RASGRF2: variants seen among roughly 807,000 people sequenced by gnomAD.
RASGRF2 encodes the protein Ras protein specific guanine nucleotide releasing factor 2.
In RASGRF2, 76 loss-of-function variants were observed where a neutral mutation model predicts 151.0. The observed-to-expected ratio is 0.50, with a 90% CI of 0.42 to 0.61. The LOEUF (loss-of-function observed/expected upper bound fraction) is 0.61. RASGRF2 is among the 20% of genes least tolerant of loss of function. The probability of loss-of-function intolerance (pLI) is 0.00; values close to 1 mark genes in which losing one functional copy is unlikely to be tolerated. For synonymous variants in RASGRF2, 504 were observed against 566.5 expected (o/e 0.89, Z 1.57); for missense variants, 1,148 against 1,564.6 (o/e 0.73, Z 4.49).
intron 22 of RASGRF2, among the ~76,000 whole-genome samples, chr5:81,209,789 A>G (rs1755591133): frequency 6.6e-6 from 1 of 152,154 alleles, no homozygotes; most frequent in Admixed American, 6.5e-5. Context: ...CGACTGCTAC[A>G]TTGCATTCTT....
chr5:80,999,996 C>G (rs555603765), intron 1 of RASGRF2, among the ~76,000 whole-genome samples: 1 of 152,276 alleles, frequency 6.6e-6, no homozygotes, highest in African/African-American at 2.4e-5. Context: ...CTGTGTTCCA[C>G]GATATCTGGG....
At chr5:81,021,289 A>G (rs756911016) in intron 1 of RASGRF2, among the ~76,000 whole-genome samples, 5 of 152,218 alleles carry the variant, frequency 3.3e-5, no homozygotes. Flanking sequence ...ATTTGAGAAA[A>G]TTGGAGGAGG....
intron 17 of RASGRF2, among the ~76,000 whole-genome samples, chr5:81,175,704 G>A (rs113545741): frequency 0.035 from 5,141 of 147,452 alleles, 295 homozygotes; most frequent in African/African-American, 0.12. Flanking sequence ...GCAGTGAGCC[G>A]AGATTGTGCC....
At position 81,219,774 on chromosome 5, in the gene RASGRF2, C is replaced by A; in HGVS notation, c.3617C>A (p.Pro1206Gln). Residue 1206 changes from proline to glutamine, a missense_variant, in exon 26 of 27, where the codon CCA (proline) becomes CAA (glutamine). Pro to Gln is a moderately conservative substitution (Grantham distance 76, BLOSUM62 -1). Coordinates refer to ENST00000265080, the MANE Select transcript of RASGRF2 (RefSeq NM_006909.3). Reference sequence around the variant, plus strand: ...ACTTCCTACAGAATAGATCATCAGCCAAAGGTAATATTATGTGGCTGTGAA... The same window carrying A: ...ACTTCCTACAGAATAGATCATCAGCAAAAGGTAATATTATGTGGCTGTGAA... ...QQTSYRIDHQ[P>Q]KVAQYLLDKD... 6.3e-7 allele frequency: 1 copy of A among 1,598,264 alleles called. No individual in the cohort carries two copies. Among genetic ancestry groups the A allele is most frequent in the African/African-American group, 1.3e-5 (1 of 74,492 alleles).
At chr5:81,170,137 T>C (rs561288481) in intron 17 of RASGRF2, among the ~76,000 whole-genome samples, 2 of 150,280 alleles carry the variant, frequency 1.3e-5, no homozygotes, top group South Asian at 2.1e-4. Flanking sequence ...CTGCACCACC[T>C]GCATCACCTG....
intron 19 of RASGRF2, 34 bp from the exon 20 acceptor site, chr5:81,206,811 T>A (rs1755518083): frequency 1.3e-6 from 2 of 1,565,942 alleles, no homozygotes; most frequent in Non-Finnish European, 1.8e-6. Context: ...GTCTATTTTT[T>A]CTTTCATGGA....
intron 18 of RASGRF2, among the ~76,000 whole-genome samples, chr5:81,198,656 G>T (rs934172830): frequency 3.9e-5 from 6 of 152,228 alleles, no homozygotes; most frequent in Non-Finnish European, 7.4e-5. Context: ...AGCCAGGATG[G>T]TCTCGATCTC....
In RASGRF2 at chr5:81,215,877, C is replaced by T. The variant is rs1248713931; in HGVS notation, c.3356C>T (p.Thr1119Ile). ...KKTWAKVSKQ[T>I]KALMDKLQKT... is the part of the protein sequence containing the mutation. ...CTAAGTTTTTTCTTTTCTTTTTAGA[C>T]AAAAGCTCTAATGGACAAACTTCAA... Residue 1119 changes from threonine to isoleucine, a missense_variant and splice_region_variant, in exon 24 of 27, where the codon ACA becomes ATA. Around this residue, in one of 5 missense-constraint regions of RASGRF2, gnomAD observed 100 missense variants for 148.2 expected, o/e 0.67. Coordinates refer to ENST00000265080, the MANE Select transcript of RASGRF2 (RefSeq NM_006909.3). The T allele has an allele frequency of 1.1e-5, 17 of 1,530,420 alleles. No individual in the cohort carries two copies. The highest frequency in any genetic ancestry group is 1.5e-5 in the Non-Finnish European group (17 of 1,149,292). 94.8% of individuals were successfully genotyped at this position (1,530,420 alleles called of 1,614,324 possible). A position where few individuals can be genotyped will look rare whatever the true frequency, so the allele number is the denominator to read the frequency against.
intron 15 of RASGRF2, among the ~76,000 whole-genome samples, chr5:81,116,066 CTTTTTTTTTTTT>C (rs575647502): frequency 9.8e-4 from 48 of 49,056 alleles, no homozygotes; most frequent in East Asian, 7.3e-3. Flanking sequence ...AATGCCATTT[CTTTTTTTTTTTT>C]TTTTTTTTTT....
At chr5:81,002,961 CTT>C (rs979924443) in intron 1 of RASGRF2, among the ~76,000 whole-genome samples, 1 of 152,142 alleles carries the variant, frequency 6.6e-6, no homozygotes, top group Non-Finnish European at 1.5e-5. Flanking sequence ...TCCTTGAACT[CTT>C]TTGTTCAGTT....
intron 1 of RASGRF2, among the ~76,000 whole-genome samples, chr5:80,968,721 T>C (rs1168462069): frequency 1.3e-5 from 2 of 152,222 alleles, no homozygotes; most frequent in Non-Finnish European, 2.9e-5. Context: ...TCTTGCTCTG[T>C]CACCTGGGCT....
chr5:81,210,483 C>G (rs1161568934), intron 22 of RASGRF2, among the ~76,000 whole-genome samples: 1 of 152,218 alleles, frequency 6.6e-6, no homozygotes, highest in Non-Finnish European at 1.5e-5. Context: ...CGTGTTATGG[C>G]TACATGGCTG....
At chr5:81,119,997 C>T (rs1386050962) in intron 15 of RASGRF2, among the ~76,000 whole-genome samples, 1 of 152,048 alleles carries the variant, frequency 6.6e-6, no homozygotes, top group Non-Finnish European at 1.5e-5. Context: ...AGGAGGGGCC[C>T]ATGGCACTTG....
chr5:81,006,822 A>G (rs965134835), intron 1 of RASGRF2, among the ~76,000 whole-genome samples: 2 of 152,204 alleles, frequency 1.3e-5, no homozygotes, highest in African/African-American at 4.8e-5. Context: ...CTGAGTTTTC[A>G]TTAACTGAAC....
chr5:81,133,996 C>T (rs981931959), intron 17 of RASGRF2, among the ~76,000 whole-genome samples: 2 of 151,540 alleles, frequency 1.3e-5, no homozygotes, highest in Non-Finnish European at 2.9e-5. Flanking sequence ...GTTGATTGAT[C>T]TGGGGGTACA....
chr5:81,080,030 A>G, intron 5 of RASGRF2, 91 bp from the exon 6 acceptor site: 1 of 1,430,436 alleles, frequency 7.0e-7, no homozygotes, highest in African/African-American at 1.5e-5. Context: ...CATATATATT[A>G]TGTATATATT....
At chr5:81,064,301 A>G (rs1751531114) in intron 2 of RASGRF2, among the ~76,000 whole-genome samples, 1 of 152,196 alleles carries the variant, frequency 6.6e-6, no homozygotes, top group Non-Finnish European at 1.5e-5. Context: ...GTAGCTCAGA[A>G]CCTGGCAGCT....
At chr5:81,146,051 GT>G (rs1753997880) in intron 17 of RASGRF2, among the ~76,000 whole-genome samples, 1 of 152,164 alleles carries the variant, frequency 6.6e-6, no homozygotes, top group Non-Finnish European at 1.5e-5. Context: ...TCAACCAAAT[GT>G]TTTGAAATTG....
In RASGRF2 at chr5:81,112,748, T is replaced by C; in HGVS notation, c.1977T>C (p.Ile659=). ...TGACAGACTTGCGGTTTCTTAGTAT[T>C]GATTTCCTCAACACCTTTCTGCACA... ...ERLTDLRFLS[I]DFLNTFLHTY... is the part of the protein sequence containing the mutation. Residue 659 remains isoleucine (I), a synonymous_variant, in exon 14 of 27, where the codon ATT becomes ATC. Transcript: ENST00000265080. 1 of 1,614,238 alleles carries C rather than the reference T, an allele frequency of 6.2e-7. No individual in the cohort carries two copies. Among genetic ancestry groups the C allele is most frequent in the South Asian group, 1.1e-5 (1 of 91,086 alleles).
Sources: allele counts gnomAD v4.1 joint callset (sites outside exome capture counted in the v4.1 genomes callset), GRCh38; gene constraint gnomAD v4.1.1; regional missense constraint gnomAD v4.1.1; transcripts MANE v1.5; gene names NCBI Gene and HGNC (gene_info 2026-07-23, HGNC 2026-07-21).